Variants in PHF24 observed in about 807,000 individuals in gnomAD.
PHF24 encodes PHD finger protein 24.
PHF24 carries 25 observed loss-of-function variants against 42.6 expected under a neutral mutation model. That is an observed-to-expected ratio of 0.59 (90% CI 0.43 to 0.82). The LOEUF is 0.82. PHF24 is among the 40% of genes least tolerant of loss of function. The pLI, the probability that PHF24 is intolerant of heterozygous loss-of-function variation, is 0.00. For synonymous variants in PHF24, 185 were observed against 204.8 expected (o/e 0.90, Z 0.83); for missense variants, 470 against 538.1 (o/e 0.87, Z 1.25).
At chr9:34,841,148 C>T in the PHF24 span, among the ~76,000 whole-genome samples, 34 of 152,126 alleles carry the variant, frequency 2.2e-4, no homozygotes, top group African/African-American at 7.5e-4. Flanking sequence ...TACAGGCGCC[C>T]GCCACCACAC....
the PHF24 span, among the ~76,000 whole-genome samples, chr9:34,777,437 T>A: frequency 6.6e-6 from 1 of 151,998 alleles, no homozygotes; most frequent in Non-Finnish European, 1.5e-5. Context: ...GGCTGGGAGA[T>A]CCCTTAGCCC....
the PHF24 span, among the ~76,000 whole-genome samples, chr9:34,677,645 G>T: frequency 1.3e-5 from 2 of 152,052 alleles, no homozygotes; most frequent in South Asian, 2.1e-4. Context: ...TGATCCACCC[G>T]CCTGGGCCTC....
the PHF24 span, among the ~76,000 whole-genome samples, chr9:34,878,193 A>C: frequency 6.6e-6 from 1 of 152,118 alleles, no homozygotes; most frequent in Non-Finnish European, 1.5e-5. Context: ...TCCATACTCC[A>C]CTCAATTTTT....
the PHF24 span, among the ~76,000 whole-genome samples, chr9:34,858,775 G>A: frequency 3.9e-5 from 6 of 152,218 alleles, no homozygotes; most frequent in African/African-American, 1.4e-4. Flanking sequence ...TGTCTAGTAA[G>A]TCTAATTCCT....
At chr9:34,878,408 G>A in the PHF24 span, among the ~76,000 whole-genome samples, 2 of 152,204 alleles carry the variant, frequency 1.3e-5, no homozygotes, top group East Asian at 3.9e-4. Flanking sequence ...AGTTGAAGCA[G>A]GGCGGGGCAT....
At chr9:34,774,895 TTAA>T in the PHF24 span, among the ~76,000 whole-genome samples, 3 of 152,044 alleles carry the variant, frequency 2.0e-5, no homozygotes, top group Admixed American at 2.0e-4. Context: ...ATGGCTAATA[TTAA>T]TAATAATAAT....
the PHF24 span, chr9:34,833,315 G>A: frequency 6.4e-7 from 1 of 1,551,350 alleles, no homozygotes; most frequent in Admixed American, 2.0e-5. Context: ...ACTGGGTTGT[G>A]AGATCTTGGA....
At chr9:34,731,421 C>T in the PHF24 span, among the ~76,000 whole-genome samples, 1 of 152,154 alleles carries the variant, frequency 6.6e-6, no homozygotes, top group African/African-American at 2.4e-5. Context: ...ATCTGCCCTT[C>T]TCCCACCCAA....
At chr9:34,950,220 C>G in the PHF24 span, among the ~76,000 whole-genome samples, 1 of 151,832 alleles carries the variant, frequency 6.6e-6, no homozygotes, top group Non-Finnish European at 1.5e-5. Flanking sequence ...TGGGGGTGCA[C>G]TGCTGTAGTC....
chr9:34,861,880 C>T, the PHF24 span, among the ~76,000 whole-genome samples: 1 of 152,194 alleles, frequency 6.6e-6, no homozygotes, highest in African/African-American at 2.4e-5. Context: ...ATCATCAATA[C>T]TAGAACAAAT....
chr9:34,710,111 T>G, the PHF24 span: 1 of 1,566,964 alleles, frequency 6.4e-7, no homozygotes, highest in Non-Finnish European at 8.8e-7. Flanking sequence ...GAGGGTGAGG[T>G]GGGCAGCTGC....
chr9:34,797,828 C>T, the PHF24 span, among the ~76,000 whole-genome samples: 1 of 152,060 alleles, frequency 6.6e-6, no homozygotes, highest in African/African-American at 2.4e-5. Context: ...CACTTAGGTC[C>T]GTGGGGGTGG....
the PHF24 span, among the ~76,000 whole-genome samples, chr9:34,696,009 A>G: frequency 2.0e-5 from 3 of 151,978 alleles, no homozygotes; most frequent in African/African-American, 7.3e-5. Flanking sequence ...TTAGACTATC[A>G]CTCGTGAGGC....
At chr9:34,850,204 C>A in the PHF24 span, among the ~76,000 whole-genome samples, 1 of 152,102 alleles carries the variant, frequency 6.6e-6, no homozygotes, top group Non-Finnish European at 1.5e-5. Context: ...TGTTTTCCAA[C>A]TTGGTTCCAT....
At chr9:34,728,004 CA>C in the PHF24 span, 6 of 1,550,728 alleles carry the variant, frequency 3.9e-6, no homozygotes, top group Non-Finnish European at 5.2e-6. Flanking sequence ...TGATAGAGTG[CA>C]AAGAGCAATA....
chr9:34,880,789 A>G, the PHF24 span, among the ~76,000 whole-genome samples: 1 of 152,306 alleles, frequency 6.6e-6, no homozygotes, highest in South Asian at 2.1e-4. Context: ...TCAACATTAG[A>G]CAGATCAACG....
the PHF24 span, among the ~76,000 whole-genome samples, chr9:34,809,563 C>G: frequency 6.6e-6 from 1 of 152,178 alleles, no homozygotes; most frequent in Non-Finnish European, 1.5e-5. This position sits in a 1 kb window ranked among gnomAD's most constrained non-coding sequence, Gnocchi z 4.1. Flanking sequence ...TTGGACATTC[C>G]GGAGGCCTGT....
chr9:34,875,907 T>TACACACACACAC, the PHF24 span, among the ~76,000 whole-genome samples: 1 of 116,284 alleles, frequency 8.6e-6, no homozygotes, highest in South Asian at 3.4e-4. Flanking sequence ...CTCTCTCTCT[T>TACACACACACAC]ACACACACAC....
chr9:34,736,521 G>T, the PHF24 span, among the ~76,000 whole-genome samples: 2 of 152,120 alleles, frequency 1.3e-5, no homozygotes, highest in African/African-American at 4.8e-5. Flanking sequence ...TGCCCAGGCT[G>T]GTCTTGAATT....
Sources: allele counts gnomAD v4.1 joint callset (sites outside exome capture counted in the v4.1 genomes callset), GRCh38; gene constraint gnomAD v4.1.1; non-coding constraint Gnocchi (gnomAD v3.1); transcripts MANE v1.5; gene names NCBI Gene and HGNC (gene_info 2026-07-23, HGNC 2026-07-21).